Variants in LRRC7 observed in about 807,000 individuals in gnomAD.
LRRC7 encodes the protein leucine-rich repeat-containing protein 7.
LRRC7 carries 23 observed loss-of-function variants against 175.7 expected under a neutral mutation model. The observed-to-expected ratio is 0.13, with a 90% confidence interval of 0.09 to 0.19. The LOEUF (loss-of-function observed/expected upper bound fraction) is 0.19, where lower values mean the gene tolerates loss of function less well. Among genes scored for constraint, LRRC7 ranks in the 10% least tolerant of loss-of-function variants. The probability of loss-of-function intolerance (pLI) is 1.00; values close to 1 mark genes in which losing one functional copy is unlikely to be tolerated. For synonymous variants in LRRC7, 685 were observed against 680.9 expected (o/e 1.01, Z -0.09); for missense variants, 1,354 against 1,904.7 (o/e 0.71, Z 5.38).
At chr1:69,976,558 C>G (rs1245245927) in intron 8 of LRRC7, among the ~76,000 whole-genome samples, 1 of 152,222 alleles carries the variant, frequency 6.6e-6, no homozygotes, top group African/African-American at 2.4e-5. Context: ...TATTAACCAT[C>G]ACAATGTCTA....
chr1:69,989,632 A>C (rs1654245694), intron 10 of LRRC7, among the ~76,000 whole-genome samples: 1 of 152,148 alleles, frequency 6.6e-6, no homozygotes, highest in African/African-American at 2.4e-5. Flanking sequence ...TGCATTCTAA[A>C]AATGAAAAAG....
chr1:70,107,852 C>G (rs764975867), intron 26 of LRRC7, 26 bp downstream of exon 26: 2 of 1,549,048 alleles, frequency 1.3e-6, no homozygotes, highest in Admixed American at 1.7e-5. Flanking sequence ...GAAATGCATG[C>G]AAATGCCATA....
intron 1 of LRRC7, among the ~76,000 whole-genome samples, chr1:69,587,174 T>A (rs1291653859): frequency 6.6e-6 from 1 of 152,182 alleles, no homozygotes; most frequent in Non-Finnish European, 1.5e-5. Flanking sequence ...CTCTTTGTCT[T>A]CATATTACTT....
intron 3 of LRRC7, among the ~76,000 whole-genome samples, chr1:69,789,005 C>G (rs564983028): frequency 6.6e-6 from 1 of 152,084 alleles, no homozygotes; most frequent in Admixed American, 6.6e-5. Flanking sequence ...TTTTCATGAA[C>G]AAATGAATGA....
chr1:69,961,279 A>C (rs1651056453), intron 8 of LRRC7, among the ~76,000 whole-genome samples: 1 of 152,182 alleles, frequency 6.6e-6, no homozygotes, highest in Non-Finnish European at 1.5e-5. Flanking sequence ...TAACAAGGGA[A>C]GTGAATGATC....
At chr1:69,945,872 A>T (rs1052056921) in intron 8 of LRRC7, among the ~76,000 whole-genome samples, 2 of 152,074 alleles carry the variant, frequency 1.3e-5, no homozygotes, top group African/African-American at 4.8e-5. Flanking sequence ...TATTAGTTCT[A>T]ATTTTAGTGG....
chr1:69,915,516 G>C (rs1000679414), intron 7 of LRRC7, among the ~76,000 whole-genome samples: 1 of 152,050 alleles, frequency 6.6e-6, no homozygotes, highest in Non-Finnish European at 1.5e-5. Flanking sequence ...GAAAGAAAAA[G>C]TTCCTTGGTT....
chr1:69,871,655 T>C (rs1427495838), intron 7 of LRRC7, among the ~76,000 whole-genome samples: 2 of 152,008 alleles, frequency 1.3e-5, no homozygotes, highest in Non-Finnish European at 2.9e-5. Flanking sequence ...AGAGTTAAGA[T>C]AATCATGTGA....
intron 19 of LRRC7, 77 bp downstream of exon 19, chr1:70,036,309 A>G: frequency 7.1e-7 from 1 of 1,407,522 alleles, no homozygotes; most frequent in Non-Finnish European, 9.9e-7. Flanking sequence ...AAATTATGAT[A>G]CACCATATTC....
At chr1:69,783,984 A>G (rs1454009877) in intron 3 of LRRC7, among the ~76,000 whole-genome samples, 1 of 152,162 alleles carries the variant, frequency 6.6e-6, no homozygotes, top group East Asian at 1.9e-4. Context: ...TTAGAAAAAA[A>G]TGAGAAAGAG....
chr1:69,742,659 C>T (rs1406446596), intron 2 of LRRC7, among the ~76,000 whole-genome samples: 1 of 151,910 alleles, frequency 6.6e-6, no homozygotes, highest in Admixed American at 6.6e-5. Context: ...GTAGCATGAT[C>T]AACCATTCTG....
intron 2 of LRRC7, among the ~76,000 whole-genome samples, chr1:69,749,413 T>C (rs544261727): frequency 1.3e-5 from 2 of 152,244 alleles, no homozygotes; most frequent in South Asian, 4.1e-4. Context: ...GAACAGAAGA[T>C]TTTTAAAAAG....
chr1:70,008,840 G>A (rs904110102), intron 11 of LRRC7, among the ~76,000 whole-genome samples: 2 of 152,124 alleles, frequency 1.3e-5, no homozygotes, highest in Non-Finnish European at 2.9e-5. Context: ...GAAGGGCAAT[G>A]ACCAATCATT....
At chr1:70,054,558 T>C (rs1031470031) in intron 23 of LRRC7, among the ~76,000 whole-genome samples, 3 of 150,624 alleles carry the variant, frequency 2.0e-5, no homozygotes, top group Admixed American at 6.6e-5. Context: ...TGAAATTGAA[T>C]TATGGTTCTT....
intron 7 of LRRC7, among the ~76,000 whole-genome samples, chr1:69,845,121 T>G (rs930438955): frequency 2.0e-5 from 3 of 151,906 alleles, no homozygotes; most frequent in Non-Finnish European, 4.4e-5. Flanking sequence ...ATTGGTGGTG[T>G]GTGCCTGTAT....
intron 5 of LRRC7, among the ~76,000 whole-genome samples, chr1:69,828,543 A>G (rs1049817856): frequency 6.6e-6 from 1 of 152,064 alleles, no homozygotes; most frequent in African/African-American, 2.4e-5. Flanking sequence ...CTTTCCATGT[A>G]TTTATTTATA....
chr1:69,804,363 A>T (rs1323105648), intron 4 of LRRC7, among the ~76,000 whole-genome samples: 1 of 151,462 alleles, frequency 6.6e-6, no homozygotes, highest in East Asian at 1.9e-4. Flanking sequence ...ACATTTTATG[A>T]TTTTTACATA....
chr1:69,912,723 T>A (rs1319026266), intron 7 of LRRC7, among the ~76,000 whole-genome samples: 3 of 152,198 alleles, frequency 2.0e-5, no homozygotes, highest in African/African-American at 7.2e-5. Flanking sequence ...GAATAATTGG[T>A]TCTGGTTATA....
At chr1:69,926,081 G>C (rs886866886) in intron 7 of LRRC7, among the ~76,000 whole-genome samples, 6 of 151,892 alleles carry the variant, frequency 4.0e-5, no homozygotes, top group African/African-American at 1.5e-4. Flanking sequence ...TCAGGAGCAG[G>C]TTGTTCAGTT....
Sources: gnomAD v4.1 joint callset for allele counts (sites outside exome capture counted in the v4.1 genomes callset) on GRCh38, gnomAD v4.1.1 for gene constraint, MANE v1.5 for transcripts, NCBI Gene and HGNC (gene_info 2026-07-23, HGNC 2026-07-21) for gene names.